The following PTPRN2 variants were observed in gnomAD, a reference collection of about 807,000 sequenced individuals.
PTPRN2 encodes the protein receptor-type tyrosine-protein phosphatase N2.
Under a neutral mutation model 118.8 loss-of-function variants are expected in PTPRN2, and 74 were observed. The ratio of observed to expected loss-of-function variants is 0.62; its 90% CI spans 0.52 to 0.76. The LOEUF (loss-of-function observed/expected upper bound fraction) is 0.76. Ranked by LOEUF, PTPRN2 falls within the 30% of genes least tolerant of loss-of-function variation. The pLI is 0.00. For synonymous variants in PTPRN2, 641 were observed against 608.0 expected, an observed-to-expected ratio of 1.05 and a Z score of -0.80; for missense variants, 1,481 against 1,394.4, an observed-to-expected ratio of 1.06 and a Z score of -0.99.
chr7:158,301,459 G>A (rs1056011928), intron 3 of PTPRN2, among the ~76,000 whole-genome samples: 5 of 152,314 alleles, frequency 3.3e-5, no homozygotes, highest in African/African-American at 4.8e-5. Context: ...CTTAGCTCCC[G>A]AGGTGCTTAG....
intron 4 of PTPRN2, among the ~76,000 whole-genome samples, chr7:158,203,447 C>T (rs2150740432): frequency 6.6e-6 from 1 of 152,220 alleles, no homozygotes; most frequent in Non-Finnish European, 1.5e-5. Flanking sequence ...CAAATGACCA[C>T]ATTTAACGTT....
intron 14 of PTPRN2, among the ~76,000 whole-genome samples, chr7:157,653,753 G>A (rs1036613584): frequency 1.1e-4 from 16 of 152,024 alleles, no homozygotes; most frequent in African/African-American, 3.9e-4. Flanking sequence ...CAGGGTCCAA[G>A]GCCCACGTCT....
chr7:158,480,918 AGCAGCAAGTGCTGATGGAGAAGCT>A (rs1820599185), intron 2 of PTPRN2, among the ~76,000 whole-genome samples: 1 of 152,284 alleles, frequency 6.6e-6, no homozygotes, highest in Admixed American at 6.5e-5. Context: ...TGTAAGGTGC[AGCAGCAAGTGCTGATGGAGAAGCT>A]GCAGCAAGCT....
intron 2 of PTPRN2, among the ~76,000 whole-genome samples, chr7:158,383,368 C>T (rs1811107196): frequency 6.6e-6 from 1 of 152,162 alleles, no homozygotes; most frequent in South Asian, 2.1e-4. Flanking sequence ...CAATCATGCA[C>T]ATAATATCAT....
chr7:157,892,579 T>C (rs944718215), intron 12 of PTPRN2, among the ~76,000 whole-genome samples: 1 of 152,188 alleles, frequency 6.6e-6, no homozygotes, highest in African/African-American at 2.4e-5. Context: ...ATTTAGTAAA[T>C]GCTATTAGAT....
At chr7:158,514,908 G>C (rs981962708) in intron 1 of PTPRN2, among the ~76,000 whole-genome samples, 1 of 152,102 alleles carries the variant, frequency 6.6e-6, no homozygotes, top group African/African-American at 2.4e-5. Flanking sequence ...TCCTGGACCC[G>C]CTCTCTCAGG....
chr7:158,001,345 CCA>C (rs35060182), intron 11 of PTPRN2, among the ~76,000 whole-genome samples: 100,815 of 151,682 alleles, frequency 0.66, 33,950 homozygotes, highest in East Asian at 0.88. Context: ...GGACCACACT[CCA>C]CACTCACAGC....
rs1352656234 is a variant in PTPRN2, at chr7:157,611,446, G to T, written c.2345-7371C>A. Among the ~76,000 whole-genome samples, 1 of 152,172 alleles carries T rather than the reference G, an allele frequency of 6.6e-6. No homozygotes were observed. Among genetic ancestry groups the T allele is most frequent in the Non-Finnish European group, 1.5e-5 (1 of 68,034 alleles). On this transcript the variant is annotated intron_variant, in intron 15 of 22. Transcript: ENST00000389418. The surrounding 1 kb of genome is among the most constrained non-coding windows in gnomAD (Gnocchi z 5.9). ...GGAACAGACGCCAAAGGTGTGTGGGGGTTGCCGTGGCCAGGCAGCGCCCGC... is the reference window on the plus strand; with the variant it reads ...GGAACAGACGCCAAAGGTGTGTGGGTGTTGCCGTGGCCAGGCAGCGCCCGC...
intron 11 of PTPRN2, among the ~76,000 whole-genome samples, chr7:158,006,375 G>A (rs936324326): frequency 1.3e-5 from 2 of 152,158 alleles, no homozygotes; most frequent in East Asian, 1.9e-4. Flanking sequence ...GTGCCAGCCT[G>A]GTCTGGCCCT....
chr7:157,759,794 TTA>T (rs1802024360), intron 12 of PTPRN2, among the ~76,000 whole-genome samples: 1 of 152,198 alleles, frequency 6.6e-6, no homozygotes. Context: ...GTTCTTTGTG[TTA>T]TATCTTTCAA....
intron 2 of PTPRN2, among the ~76,000 whole-genome samples, chr7:158,371,816 A>T (rs1174506119): frequency 1.3e-5 from 2 of 152,254 alleles, no homozygotes; most frequent in Admixed American, 6.5e-5. Flanking sequence ...ACCACATTAA[A>T]GATCATATTT....
chr7:158,451,570 AT>A (rs1226072936), intron 2 of PTPRN2, among the ~76,000 whole-genome samples: 1 of 152,156 alleles, frequency 6.6e-6, no homozygotes, highest in Non-Finnish European at 1.5e-5. Flanking sequence ...AGCTGTTCTC[AT>A]CTTCCTTTTT....
intron 11 of PTPRN2, among the ~76,000 whole-genome samples, chr7:157,982,406 CT>C (rs756729331): frequency 1.2e-4 from 17 of 143,154 alleles, no homozygotes; most frequent in South Asian, 2.3e-4. Context: ...AGGGTCCCCC[CT>C]AAACCCCAAG....
In PTPRN2 at chr7:157,786,119, T is replaced by G. The variant is rs1804022072; in HGVS notation, c.1789-103182A>C. On this transcript the variant is annotated intron_variant, in intron 12 of 22. Transcript: ENST00000389418. Reference sequence around the variant, plus strand: ...GCTTCAGCTGGCTGAGCGCTTTTGCTGTGGGGTGGATCCCAGGCCCTCGGG... The same window carrying G: ...GCTTCAGCTGGCTGAGCGCTTTTGCGGTGGGGTGGATCCCAGGCCCTCGGG... Among the ~76,000 whole-genome samples, 7 of 152,168 alleles carry G rather than the reference T, an allele frequency of 4.6e-5. No homozygotes were observed. In the South Asian group the frequency reaches 1.4e-3, roughly 31 times the overall value.
chr7:157,960,478 T>C (rs774571327), intron 11 of PTPRN2, among the ~76,000 whole-genome samples: 6 of 152,190 alleles, frequency 3.9e-5, no homozygotes, highest in Non-Finnish European at 5.9e-5. Context: ...AGATAAAATA[T>C]AGATACATTT....
intron 17 of PTPRN2, among the ~76,000 whole-genome samples, chr7:157,589,401 G>A (rs1227197235): frequency 6.6e-6 from 1 of 152,210 alleles, no homozygotes; most frequent in Non-Finnish European, 1.5e-5. Context: ...ACTCAAGGTG[G>A]CCCCATTTGG....
At chr7:158,391,514 A>T (rs1811925264) in intron 2 of PTPRN2, among the ~76,000 whole-genome samples, 2 of 152,212 alleles carry the variant, frequency 1.3e-5, no homozygotes, top group Non-Finnish European at 2.9e-5. Context: ...CCTGAGGCTT[A>T]AGGTCACCAT....
rs538906416 is a variant in PTPRN2 at position 158,115,619 on chromosome 7, T to C, written c.1557-4704A>G. On this transcript the variant is annotated intron_variant, in intron 9 of 22. Coordinates refer to ENST00000389418, the MANE Select transcript of PTPRN2 (RefSeq NM_002847.5). The stretch of plus-strand genomic sequence containing the variant: ...AGGCTCTGTAGATCTTTTTCCTTCA[T>C]GTGAGAAAATGCCATCTGCAACCCA... Among the ~76,000 whole-genome samples, 4 of 151,958 alleles carry C rather than the reference T, an allele frequency of 2.6e-5. No homozygotes were observed. The South Asian group carries it at 8.4e-4, about 32-fold the overall frequency.
At chr7:158,151,055 CACTGCCCGCCTT>C (rs1820993311) in intron 6 of PTPRN2, among the ~76,000 whole-genome samples, 1 of 140,080 alleles carries the variant, frequency 7.1e-6, no homozygotes, top group East Asian at 2.0e-4. Flanking sequence ...TGCCTGCCCA[CACTGCCCGCCTT>C]TCCACTCTTG....
Sources: gnomAD v4.1 joint callset for allele counts (sites outside exome capture counted in the v4.1 genomes callset) on GRCh38, gnomAD v4.1.1 for gene constraint, Gnocchi (gnomAD v3.1) non-coding constraint, MANE v1.5 for transcripts, NCBI Gene and HGNC (gene_info 2026-07-23, HGNC 2026-07-21) for gene names.